PTGFRN: variants seen among roughly 807,000 people sequenced by gnomAD.
The protein encoded by PTGFRN is prostaglandin F2 receptor inhibitor.
Under a neutral mutation model 83.2 loss-of-function variants are expected in PTGFRN, and 35 were observed. The observed-to-expected ratio is 0.42, with a 90% CI of 0.32 to 0.56. The LOEUF (loss-of-function observed/expected upper bound fraction) is 0.56. Ranked by LOEUF, PTGFRN falls within the 20% of genes least tolerant of loss-of-function variation. PTGFRN has a pLI of 0.11. For synonymous variants in PTGFRN, 519 were observed against 498.6 expected (o/e 1.04, Z -0.55); for missense variants, 1,051 against 1,179.5 (o/e 0.89, Z 1.60).
chr1:116,955,426 CTTATT>C (rs1238595050), intron 4 of PTGFRN, among the ~76,000 whole-genome samples: 2 of 152,126 alleles, frequency 1.3e-5, no homozygotes, highest in East Asian at 1.9e-4. Context: ...TTTTGCTGAT[CTTATT>C]TTATCTCTCT....
chr1:116,940,223 A>G (rs1650025832), intron 1 of PTGFRN, among the ~76,000 whole-genome samples: 1 of 152,240 alleles, frequency 6.6e-6, no homozygotes, highest in Non-Finnish European at 1.5e-5. Flanking sequence ...TCTAAGATCA[A>G]GGTGTCGGGG....
chr1:116,919,408 CT>C (rs199821656), intron 1 of PTGFRN, among the ~76,000 whole-genome samples: 4 of 151,944 alleles, frequency 2.6e-5, no homozygotes, highest in East Asian at 1.9e-4. Flanking sequence ...CTTTTCTTTT[CT>C]TTTTTTTAAA....
At chr1:116,966,000 G>A (rs977538489) in intron 5 of PTGFRN, among the ~76,000 whole-genome samples, 7 of 152,138 alleles carry the variant, frequency 4.6e-5, no homozygotes, top group Non-Finnish European at 8.8e-5. Context: ...TCGGTTTGGT[G>A]GAACAAGTGT....
intron 1 of PTGFRN, among the ~76,000 whole-genome samples, chr1:116,916,271 C>T (rs1186513204): frequency 2.6e-5 from 4 of 152,102 alleles, no homozygotes; most frequent in Non-Finnish European, 4.4e-5. Context: ...GGAGAAGAAC[C>T]CGTGGCTACT....
chr1:116,956,938 C>G (rs1206791563), intron 4 of PTGFRN, among the ~76,000 whole-genome samples: 1 of 151,772 alleles, frequency 6.6e-6, no homozygotes, highest in Non-Finnish European at 1.5e-5. Flanking sequence ...GTAGAATGTG[C>G]GAGACTTAGG....
chr1:116,912,368 C>T (rs1381588165), intron 1 of PTGFRN, among the ~76,000 whole-genome samples: 2 of 152,230 alleles, frequency 1.3e-5, no homozygotes, highest in Non-Finnish European at 2.9e-5. Context: ...GAAGGTCTCG[C>T]TGTGTTACAC....
intron 7 of PTGFRN, among the ~76,000 whole-genome samples, chr1:116,979,741 A>C (rs368892772): frequency 3.3e-5 from 5 of 152,160 alleles, no homozygotes; most frequent in Admixed American, 3.3e-4. Flanking sequence ...TAAAGACTTA[A>C]ATGTTAGACC....
Position 116,961,606 on chromosome 1 carries a change from A to G in PTGFRN, c.1577A>G (p.Asn526Ser). The G allele has an allele frequency of 1.2e-6, 2 of 1,614,168 alleles. No homozygotes were observed. Among genetic ancestry groups the G allele is most frequent in the East Asian group, 2.2e-5 (1 of 44,890 alleles). The change falls in exon 5 of 9, where the codon AAC becomes AGC. Residue 526 changes from asparagine (N) to serine (S), a missense_variant. By Grantham distance (46) the Asn-to-Ser change is conservative (BLOSUM62 1). Transcript: ENST00000393203. This position sits in a 1 kb window ranked among gnomAD's most constrained non-coding sequence, Gnocchi z 5.4. The stretch of plus-strand genomic sequence containing the variant: ...TCTGCCTGGACCAAACAGCGGAACA[A>G]CAGCTGGGTGAAAAGCAAGGATGTC... ...VVSAWTKQRN[N>S]SWVKSKDVFS...
At chr1:116,953,043 G>T (rs1177356269) in intron 4 of PTGFRN, among the ~76,000 whole-genome samples, 1 of 152,198 alleles carries the variant, frequency 6.6e-6, no homozygotes, top group Non-Finnish European at 1.5e-5. Flanking sequence ...TTTGGCAAGA[G>T]TTGGATACTA....
At chr1:116,938,764 T>G (rs1649983719) in intron 1 of PTGFRN, among the ~76,000 whole-genome samples, 1 of 152,172 alleles carries the variant, frequency 6.6e-6, no homozygotes, top group African/African-American at 2.4e-5. Flanking sequence ...AAAGTCTCAT[T>G]TGAGACAAGG....
At chr1:116,937,199 T>C (rs1649943037) in intron 1 of PTGFRN, among the ~76,000 whole-genome samples, 1 of 152,008 alleles carries the variant, frequency 6.6e-6, no homozygotes, top group Admixed American at 6.6e-5. Context: ...GGCTGGAGTA[T>C]AGTGGAGGAA....
At chr1:116,939,064 G>A (rs373135888) in intron 1 of PTGFRN, among the ~76,000 whole-genome samples, 2 of 152,344 alleles carry the variant, frequency 1.3e-5, no homozygotes, top group African/African-American at 2.4e-5. Flanking sequence ...GCAGGGTACT[G>A]CCTCCCTCCC....
intron 7 of PTGFRN, 147 bp from the exon 8 acceptor site, chr1:116,984,533 A>AT: frequency 1.4e-6 from 1 of 701,304 alleles, no homozygotes; most frequent in Non-Finnish European, 2.4e-6. Flanking sequence ...TGCCTTCATC[A>AT]TAGGGCTGTT....
At chr1:116,947,211 T>A (rs1015699080) in intron 3 of PTGFRN, among the ~76,000 whole-genome samples, 2 of 152,238 alleles carry the variant, frequency 1.3e-5, no homozygotes, top group Non-Finnish European at 2.9e-5. Flanking sequence ...CACATTGTTA[T>A]GATAAATGGC....
intron 6 of PTGFRN, among the ~76,000 whole-genome samples, 164 bp downstream of exon 6, chr1:116,967,494 A>C (rs1382294397): frequency 6.6e-6 from 1 of 152,182 alleles, no homozygotes; most frequent in African/African-American, 2.4e-5. Context: ...TATATTCACA[A>C]AGTTGTGTGA....
At chr1:116,956,898 G>A (rs1457893879) in intron 4 of PTGFRN, among the ~76,000 whole-genome samples, 1 of 152,148 alleles carries the variant, frequency 6.6e-6, no homozygotes, top group Non-Finnish European at 1.5e-5. Flanking sequence ...TCAGGCCTGA[G>A]AACAAAGAAA....
chr1:116,938,118 G>GT (rs1263205252), intron 1 of PTGFRN, among the ~76,000 whole-genome samples: 1 of 152,180 alleles, frequency 6.6e-6, no homozygotes, highest in African/African-American at 2.4e-5. Flanking sequence ...GTGAACTGTG[G>GT]TAATGATGGC....
intron 1 of PTGFRN, among the ~76,000 whole-genome samples, chr1:116,922,878 C>G (rs1178601364): frequency 6.6e-6 from 1 of 152,154 alleles, no homozygotes; most frequent in African/African-American, 2.4e-5. Context: ...CACACAACAC[C>G]TTCTTTGGTT....
intron 1 of PTGFRN, 132 bp downstream of exon 1, chr1:116,910,384 G>A (rs1649235830): frequency 2.5e-6 from 2 of 813,670 alleles, no homozygotes; most frequent in South Asian, 6.0e-5. Context: ...CCCGGCCGGG[G>A]TGCGCGGGTT....
Sources: gnomAD v4.1 joint callset for allele counts (sites outside exome capture counted in the v4.1 genomes callset) on GRCh38, gnomAD v4.1.1 for gene constraint, Gnocchi (gnomAD v3.1) non-coding constraint, MANE v1.5 for transcripts, NCBI Gene and HGNC (gene_info 2026-07-23, HGNC 2026-07-21) for gene names.